Variants in KIRREL1 observed in about 807,000 individuals in gnomAD.
The protein encoded by KIRREL1 is kin of IRRE-like protein 1.
KIRREL1 carries 25 observed loss-of-function variants against 83.3 expected under a neutral mutation model. The ratio of observed to expected loss-of-function variants is 0.30; its 90% CI spans 0.22 to 0.42. The LOEUF is 0.42. Ranked by LOEUF, KIRREL1 falls within the 10% of genes least tolerant of loss-of-function variation. KIRREL1 has a pLI of 1.00. For synonymous variants in KIRREL1, 388 were observed against 410.4 expected, an observed-to-expected ratio of 0.95 and a Z score of 0.66; for missense variants, 812 against 1,032.3, an observed-to-expected ratio of 0.79 and a Z score of 2.92.
At chr1:158,036,229 T>C (rs1475242830) in intron 1 of KIRREL1, among the ~76,000 whole-genome samples, 2 of 152,214 alleles carry the variant, frequency 1.3e-5, no homozygotes, top group Non-Finnish European at 2.9e-5. Context: ...TATTTATTCA[T>C]TTATTCATTT....
At chr1:158,052,670 C>T (rs1660941975) in intron 1 of KIRREL1, among the ~76,000 whole-genome samples, 2 of 151,678 alleles carry the variant, frequency 1.3e-5, no homozygotes, top group African/African-American at 4.8e-5. Context: ...CCTGTAGTCC[C>T]AGCAACTCCA....
At chr1:158,083,236 T>C (rs1301195153) in intron 3 of KIRREL1, among the ~76,000 whole-genome samples, 1 of 152,200 alleles carries the variant, frequency 6.6e-6, no homozygotes, top group Non-Finnish European at 1.5e-5. Flanking sequence ...ACCATATAAA[T>C]ATTAGTGAGA....
chr1:158,089,385 T>G, intron 8 of KIRREL1, 117 bp from the exon 9 acceptor site: 1 of 1,526,554 alleles, frequency 6.6e-7, no homozygotes, highest in Non-Finnish European at 8.9e-7. Flanking sequence ...ATTTCCCTTC[T>G]GGGAATTCAC....
chr1:158,008,566 A>G (rs1659585531), intron 1 of KIRREL1, among the ~76,000 whole-genome samples: 1 of 151,980 alleles, frequency 6.6e-6, no homozygotes. Flanking sequence ...TCACAACAGG[A>G]CCTGGACCCT....
chr1:158,096,150 T>C lies in KIRREL1; in HGVS notation c.*1030T>C, dbSNP rs1465727743. ...AGTGGAAAGGAAAGGTAGTACCTAT[T>C]CTTCTCCATGGGGTTCCTAACACCC... On this transcript the variant is annotated 3_prime_UTR_variant, in exon 15 of 15. Coordinates refer to ENST00000359209, the MANE Select transcript of KIRREL1 (RefSeq NM_018240.7). 5.8e-6 allele frequency: 1 copy of C among 171,578 alleles called. No homozygotes were observed. Among genetic ancestry groups the C allele is most frequent in the African/African-American group, 2.4e-5 (1 of 41,774 alleles). The allele number at this position is 171,578 out of a possible 1,614,324, so 10.6% of individuals were successfully genotyped here.
intron 1 of KIRREL1, among the ~76,000 whole-genome samples, chr1:158,028,351 G>A: frequency 6.6e-6 from 1 of 152,248 alleles, no homozygotes; most frequent in East Asian, 1.9e-4. Flanking sequence ...GGAGTGTGTA[G>A]CTGTGTGATG....
At chr1:158,090,894 AG>A (rs1366021562) in intron 10 of KIRREL1, among the ~76,000 whole-genome samples, 1 of 152,210 alleles carries the variant, frequency 6.6e-6, no homozygotes, top group African/African-American at 2.4e-5. Flanking sequence ...AGAAAGGGAC[AG>A]GGAGGCCACA....
chr1:158,072,214 C>G (rs1192220816), intron 1 of KIRREL1, among the ~76,000 whole-genome samples: 1 of 152,052 alleles, frequency 6.6e-6, no homozygotes, highest in Non-Finnish European at 1.5e-5. Flanking sequence ...ACCTGCCCAG[C>G]CTGTCTCTAC....
At chr1:158,083,959 C>T (rs1175167697) in intron 3 of KIRREL1, among the ~76,000 whole-genome samples, 1 of 151,986 alleles carries the variant, frequency 6.6e-6, no homozygotes, top group Non-Finnish European at 1.5e-5. Context: ...GAAACCCCTA[C>T]TCTCTACTAA....
At position 158,045,587 on chromosome 1, in the gene KIRREL1, C is replaced by A. The variant is rs532120201; in HGVS notation, c.53-30526C>A. Among the ~76,000 whole-genome samples the A allele has an allele frequency of 3.0e-4, 45 of 152,338 alleles. 1 individual carries two copies. Among genetic ancestry groups the A allele is most frequent in the African/African-American group, 1.1e-3 (45 of 41,570 alleles). Reference sequence around the variant, plus strand: ...CAAGCATGGAGCTTCCGTGCCCTCTCCCTGTGGAATCAAGACGTTTCACCC... The same window carrying A: ...CAAGCATGGAGCTTCCGTGCCCTCTACCTGTGGAATCAAGACGTTTCACCC... On this transcript the variant is annotated intron_variant, in intron 1 of 14. Transcript: ENST00000359209.
At chr1:158,005,587 A>C (rs1659494169) in intron 1 of KIRREL1, among the ~76,000 whole-genome samples, 1 of 151,048 alleles carries the variant, frequency 6.6e-6, no homozygotes, top group African/African-American at 2.4e-5. Context: ...TTCATCTCTC[A>C]ATGGGAGATG....
At chr1:158,071,003 TG>T (rs1434777534) in intron 1 of KIRREL1, among the ~76,000 whole-genome samples, 1 of 152,126 alleles carries the variant, frequency 6.6e-6, no homozygotes, top group African/African-American at 2.4e-5. Context: ...TGTCCAACCC[TG>T]GGGCAGGAGA....
intron 1 of KIRREL1, among the ~76,000 whole-genome samples, chr1:158,025,053 GAGAA>G (rs554684111): frequency 6.6e-6 from 1 of 152,288 alleles, no homozygotes; most frequent in South Asian, 2.1e-4. Context: ...CCTCTGTGTG[GAGAA>G]AGCATCTTCC....
chr1:158,068,961 G>C (rs1039763923), intron 1 of KIRREL1, among the ~76,000 whole-genome samples: 1 of 152,182 alleles, frequency 6.6e-6, no homozygotes, highest in African/African-American at 2.4e-5. Context: ...AGTGGAGAGC[G>C]TGGGGACTGC....
chr1:158,069,606 G>A (rs1661454734), intron 1 of KIRREL1, among the ~76,000 whole-genome samples: 1 of 152,070 alleles, frequency 6.6e-6, no homozygotes, highest in South Asian at 2.1e-4. Flanking sequence ...TTAAGGGGAG[G>A]TGGAGAAACC....
At chr1:157,998,219 A>C (rs1359734477) in intron 1 of KIRREL1, among the ~76,000 whole-genome samples, 1 of 152,148 alleles carries the variant, frequency 6.6e-6, no homozygotes, top group African/African-American at 2.4e-5. Flanking sequence ...AGTTGTAGGA[A>C]CCAGTGGATC....
chr1:158,044,670 C>A (rs1051628916), intron 1 of KIRREL1, among the ~76,000 whole-genome samples: 1 of 152,004 alleles, frequency 6.6e-6, no homozygotes, highest in Admixed American at 6.6e-5. Context: ...AGCTAATTTT[C>A]GCATTTTTAG....
In KIRREL1 at chr1:158,097,209, CA is replaced by C. The variant is rs1250004642; in HGVS notation, c.*2090del. ...CAGTGGGAAGGTCTGTCAAGAAATT[CA>C]GGTTCTTGTACAGACAAATTCATGC... is the stretch of plus-strand genomic sequence containing the variant. On this transcript the variant is annotated 3_prime_UTR_variant, in exon 15 of 15. Transcript: ENST00000359209. 5.4e-6 allele frequency: 2 copies of C among 371,708 alleles called. No individual in the cohort carries two copies. The highest frequency in any genetic ancestry group is 1.1e-5 in the Non-Finnish European group (2 of 190,092). 23.0% of individuals were successfully genotyped at this position (371,708 alleles called of 1,614,324 possible).
chr1:158,086,704 A>G lies in KIRREL1; in HGVS notation c.619A>G (p.Ile207Val), dbSNP rs1470417442. ...CACTTGCCGAAGCATGAACGAAGCC[A>G]TCCCTAGTGGCAAGGAGACTTCCAT... is the stretch of plus-strand genomic sequence containing the variant. Reference protein sequence around the residue: ...VFTCRSMNEAIPSGKETSIEL... With the variant: ...VFTCRSMNEAVPSGKETSIEL... Residue 207 changes from isoleucine to valine, a missense_variant, in exon 5 of 15, where the codon ATC becomes GTC. Around this residue, in one of 3 missense-constraint regions of KIRREL1, gnomAD observed 472 missense variants for 626.8 expected, o/e 0.75. Transcript: ENST00000359209. 6.4e-7 allele frequency: 1 copy of G among 1,551,310 alleles called. No homozygotes were observed. The highest frequency in any genetic ancestry group is 8.7e-7 in the Non-Finnish European group (1 of 1,146,908).
Sources: gnomAD v4.1 joint callset for allele counts (sites outside exome capture counted in the v4.1 genomes callset) on GRCh38, gnomAD v4.1.1 for gene constraint, gnomAD v4.1.1 regional missense constraint, MANE v1.5 for transcripts, NCBI Gene and HGNC (gene_info 2026-07-23, HGNC 2026-07-21) for gene names.